The following NAALADL2 variants were observed in gnomAD, a reference collection of about 807,000 sequenced individuals.
The protein encoded by NAALADL2 is N-acetylated alpha-linked acidic dipeptidase like 2.
Under a neutral mutation model 87.2 loss-of-function variants are expected in NAALADL2, and 76 were observed. The observed-to-expected ratio is 0.87, with a 90% CI of 0.72 to 1.05. The LOEUF (loss-of-function observed/expected upper bound fraction) is 1.05. Ranked by LOEUF, NAALADL2 falls within the 50% of genes least tolerant of loss-of-function variation. The pLI is 0.00. For synonymous variants in NAALADL2, 354 were observed against 331.0 expected, an observed-to-expected ratio of 1.07 and a Z score of -0.75; for missense variants, 1,089 against 945.8, an observed-to-expected ratio of 1.15 and a Z score of -1.99.
intron 11 of NAALADL2, among the ~76,000 whole-genome samples, chr3:175,720,688 A>G (rs1370063415): frequency 6.6e-6 from 1 of 152,086 alleles, no homozygotes; most frequent in Non-Finnish European, 1.5e-5. Flanking sequence ...TAGGGGTAAA[A>G]GAAAGGTTGC....
chr3:174,652,887 T>G (rs1028814233), intron 2 of NAALADL2, among the ~76,000 whole-genome samples: 1 of 151,644 alleles, frequency 6.6e-6, no homozygotes. Context: ...AAAAACCCAA[T>G]GGAAAAATAG....
chr3:175,227,764 T>C lies in NAALADL2; in HGVS notation c.546-6167T>C, dbSNP rs138796530. Reference sequence around the variant, plus strand: ...CCTTTGACTAAACCATTTGTAGCTGTAAGACTGTGTCAAAGAAGGCTGATT... The same window carrying C: ...CCTTTGACTAAACCATTTGTAGCTGCAAGACTGTGTCAAAGAAGGCTGATT... On this transcript the variant is annotated intron_variant, in intron 2 of 13. Transcript: ENST00000454872. Among the ~76,000 whole-genome samples, 21 of 152,082 alleles carry C rather than the reference T, an allele frequency of 1.4e-4. No homozygotes were observed. In the East Asian group the frequency reaches 4.1e-3, roughly 29 times the overall value.
intron 1 of NAALADL2, among the ~76,000 whole-genome samples, chr3:174,956,263 T>C (rs1741133540): frequency 6.6e-6 from 1 of 152,078 alleles, no homozygotes; most frequent in South Asian, 2.1e-4. Flanking sequence ...GTCATGGTAA[T>C]CTTGTAGTCT....
chr3:174,530,754 C>T (rs1001445578), intron 1 of NAALADL2, among the ~76,000 whole-genome samples: 9 of 152,082 alleles, frequency 5.9e-5, no homozygotes, highest in East Asian at 5.8e-4. Context: ...TACCCCCCAC[C>T]GGGTCCCTCC....
At chr3:174,814,758 T>A (rs1454683082) in intron 3 of NAALADL2, among the ~76,000 whole-genome samples, 2 of 152,182 alleles carry the variant, frequency 1.3e-5, no homozygotes, top group Admixed American at 6.6e-5. Context: ...GTAATTTGTT[T>A]ACATATAAAC....
At chr3:175,502,228 G>GTGT in intron 9 of NAALADL2, among the ~76,000 whole-genome samples, 1 of 147,390 alleles carries the variant, frequency 6.8e-6, no homozygotes, top group South Asian at 2.1e-4. Flanking sequence ...CATTATCCTG[G>GTGT]GTGTGTGTGT....
chr3:174,955,078 T>G (rs1740955405), intron 1 of NAALADL2, among the ~76,000 whole-genome samples: 1 of 152,130 alleles, frequency 6.6e-6, no homozygotes. Context: ...AAACATTTTC[T>G]CTTACTCCAA....
At chr3:175,232,530 A>C (rs1342122757) in intron 2 of NAALADL2, among the ~76,000 whole-genome samples, 1 of 152,184 alleles carries the variant, frequency 6.6e-6, no homozygotes, top group Non-Finnish European at 1.5e-5. Context: ...GGCCACACAT[A>C]AAATACATTA....
intron 1 of NAALADL2, among the ~76,000 whole-genome samples, chr3:175,069,591 G>A (rs1386811974): frequency 2.1e-4 from 32 of 150,716 alleles, no homozygotes; most frequent in Non-Finnish European, 4.3e-4. Context: ...AACCATTGTG[G>A]AAGTCAGTGT....
At chr3:175,473,574 ATATT>A (rs1725216275) in intron 9 of NAALADL2, among the ~76,000 whole-genome samples, 2 of 151,764 alleles carry the variant, frequency 1.3e-5, no homozygotes, top group Non-Finnish European at 1.5e-5. Flanking sequence ...AACTTAATAT[ATATT>A]CTCATACAAA....
chr3:174,762,810 A>G (rs551397021), intron 3 of NAALADL2, among the ~76,000 whole-genome samples: 1 of 152,288 alleles, frequency 6.6e-6, no homozygotes, highest in Non-Finnish European at 1.5e-5. Flanking sequence ...ATTTGCAACT[A>G]CAGTGCCAAT....
chr3:175,324,044 G>A (rs12497409), intron 4 of NAALADL2, 131 bp from the exon 5 acceptor site: 121,095 of 441,140 alleles, frequency 0.27, 13,658 homozygotes, highest in African/African-American at 0.51. Flanking sequence ...AAAAAAAAAA[G>A]AAAAAGAAAA....
chr3:175,531,384 A>T (rs780562840), intron 9 of NAALADL2, among the ~76,000 whole-genome samples: 2 of 152,196 alleles, frequency 1.3e-5, no homozygotes, highest in Non-Finnish European at 2.9e-5. Context: ...TTTCTGAGGT[A>T]CAAGTTCCCT....
At chr3:175,578,264 A>G (rs78665665) in intron 10 of NAALADL2, among the ~76,000 whole-genome samples, 1,802 of 152,152 alleles carry the variant, frequency 0.012, 30 homozygotes, top group African/African-American at 0.038. Flanking sequence ...TCTACGCAAT[A>G]ATACAAAAAT....
intron 11 of NAALADL2, among the ~76,000 whole-genome samples, chr3:175,730,548 T>A (rs1328931192): frequency 6.7e-6 from 1 of 149,050 alleles, no homozygotes; most frequent in Non-Finnish European, 1.5e-5. Flanking sequence ...ATATTTATAT[T>A]CTTAACATTC....
chr3:175,025,236 G>C (rs561366519), intron 1 of NAALADL2, among the ~76,000 whole-genome samples: 4 of 151,922 alleles, frequency 2.6e-5, no homozygotes, highest in South Asian at 4.2e-4. Flanking sequence ...TGAGCAGCAG[G>C]CATATGAAAA....
In NAALADL2 at chr3:174,454,324, A is replaced by G. The variant is rs140447724; in HGVS notation, c.-184+13292A>G. Among the ~76,000 whole-genome samples the G allele has an allele frequency of 9.9e-5, 15 of 152,274 alleles. No individual in the cohort carries two copies. The East Asian group carries it at 2.7e-3, about 27-fold the overall frequency. On this transcript the variant is annotated intron_variant, in intron 1 of 3. Coordinates refer to the NAALADL2 transcript ENST00000434257. Reference sequence around the variant, plus strand: ...ATCAACATCTCACTCACAGTATTATATAGATCATCGAGGGAGAAAATTAAC... The same window carrying G: ...ATCAACATCTCACTCACAGTATTATGTAGATCATCGAGGGAGAAAATTAAC...
chr3:175,199,970 G>A (rs1739788245), intron 2 of NAALADL2, among the ~76,000 whole-genome samples: 1 of 143,158 alleles, frequency 7.0e-6, no homozygotes, highest in African/African-American at 2.6e-5. Flanking sequence ...AAAAGCAAAT[G>A]CATAGGCTTA....
At chr3:175,298,579 C>T (rs1325920847) in intron 4 of NAALADL2, among the ~76,000 whole-genome samples, 2 of 152,066 alleles carry the variant, frequency 1.3e-5, no homozygotes, top group East Asian at 3.9e-4. Flanking sequence ...ATCAAATTTT[C>T]AAATCTCTCT....
Sources: gnomAD v4.1 joint callset for allele counts (sites outside exome capture counted in the v4.1 genomes callset) on GRCh38, gnomAD v4.1.1 for gene constraint, MANE v1.5 for transcripts, NCBI Gene and HGNC (gene_info 2026-07-23, HGNC 2026-07-21) for gene names.